The following MARCHF1 variants were observed in gnomAD, a reference collection of about 807,000 sequenced individuals.
The protein encoded by MARCHF1 is membrane associated ring-CH-type finger 1, also known as E3 ubiquitin-protein ligase MARCHF1.
A neutral mutation model predicts 54.2 loss-of-function variants in MARCHF1; 40 were observed. That is an observed-to-expected ratio of 0.74 (90% CI 0.57 to 0.96). The LOEUF is 0.96. MARCHF1 is among the 40% of genes least tolerant of loss of function. The probability of loss-of-function intolerance (pLI) is 0.00; values close to 1 mark genes in which losing one functional copy is unlikely to be tolerated. For synonymous variants in MARCHF1, 236 were observed against 236.3 expected (o/e 1.00, Z 0.01); for missense variants, 586 against 656.5 (o/e 0.89, Z 1.17).
Position 163,526,322 on chromosome 4 carries a change from A to AAAC in MARCHF1, c.*2423_*2425dup, listed in dbSNP as rs1738103759. ...TCTTGTTTAGGTTCGTACAGAATTT[A>AAAC]AACAATATTTTCCATGTTAATTAAA... On this transcript the variant is annotated 3_prime_UTR_variant, in exon 10 of 10. Coordinates refer to ENST00000514618, the MANE Select transcript of MARCHF1 (RefSeq NM_001394959.1). 6.6e-6 allele frequency: 1 copy of AAAC among 150,498 alleles called. No individual in the cohort carries two copies. The highest frequency in any genetic ancestry group is 1.5e-5 in the Non-Finnish European group (1 of 66,942). 9.3% of individuals were successfully genotyped at this position (150,498 alleles called of 1,614,324 possible).
intron 4 of MARCHF1, among the ~76,000 whole-genome samples, chr4:163,728,599 G>T (rs1002632978): frequency 1.3e-5 from 2 of 151,964 alleles, no homozygotes; most frequent in Non-Finnish European, 2.9e-5. Context: ...AATTTAACTT[G>T]TTCATTATTG....
At chr4:163,861,133 A>T (rs1322356821) in intron 3 of MARCHF1, among the ~76,000 whole-genome samples, 1 of 152,196 alleles carries the variant, frequency 6.6e-6, no homozygotes, top group Non-Finnish European at 1.5e-5. Context: ...AGTATCCACA[A>T]ATGGCTAGAA....
At chr4:164,101,170 G>C (rs190662514) in intron 2 of MARCHF1, among the ~76,000 whole-genome samples, 2 of 152,310 alleles carry the variant, frequency 1.3e-5, no homozygotes, top group African/African-American at 4.8e-5. Flanking sequence ...CTGCAAGGCA[G>C]CAGCGAGGCC....
chr4:164,207,940 C>CA (rs1731657241), intron 1 of MARCHF1, among the ~76,000 whole-genome samples: 1 of 152,000 alleles, frequency 6.6e-6, no homozygotes, highest in Non-Finnish European at 1.5e-5. Context: ...ACCTATGTAA[C>CA]AAACCTGCAC....
intron 3 of MARCHF1, among the ~76,000 whole-genome samples, chr4:163,938,734 G>A (rs1751851543): frequency 6.6e-6 from 1 of 152,158 alleles, no homozygotes; most frequent in Non-Finnish European, 1.5e-5. Context: ...GAGGCCTCAG[G>A]AAACTTACAA....
chr4:163,645,025 C>T (rs1365910443), intron 5 of MARCHF1, among the ~76,000 whole-genome samples: 1 of 152,148 alleles, frequency 6.6e-6, no homozygotes, highest in Non-Finnish European at 1.5e-5. Context: ...ACAACCAAGG[C>T]AGTACTGCCT....
In MARCHF1 at chr4:163,585,753, C is replaced by T. The variant is rs774282572; in HGVS notation, c.1187G>A (p.Arg396Gln). 88 of 1,594,916 alleles carry T rather than the reference C, an allele frequency of 5.5e-5. No homozygotes were observed. Among genetic ancestry groups the T allele is most frequent in the Middle Eastern group, 5.0e-4 (3 of 5,982 alleles). The change falls in exon 8 of 10, where the codon CGG becomes CAG. Residue 396 changes from arginine to glutamine, a missense_variant. Coordinates refer to ENST00000514618, the MANE Select transcript of MARCHF1 (RefSeq NM_001394959.1). ...FIMETKLKPL[R>Q]KWEKLQMTTS... ...CAATTCCTATGGATACTGTACCTTCCGGAGGGGTTTGAGCTTGGTCTCCAT... is the reference window on the plus strand; with the variant it reads ...CAATTCCTATGGATACTGTACCTTCTGGAGGGGTTTGAGCTTGGTCTCCAT...
At chr4:163,684,026 G>A (rs1226188721) in intron 5 of MARCHF1, among the ~76,000 whole-genome samples, 2 of 152,152 alleles carry the variant, frequency 1.3e-5, no homozygotes, top group Non-Finnish European at 2.9e-5. Context: ...CCAGCATGGG[G>A]GCTTCAGGGC....
chr4:163,590,832 G>A (rs1740566100), intron 7 of MARCHF1, among the ~76,000 whole-genome samples: 1 of 151,958 alleles, frequency 6.6e-6, no homozygotes. Flanking sequence ...ACTCACAAAT[G>A]TTATCATGTT....
intron 1 of MARCHF1, chr4:164,197,500 C>T (rs2288675): frequency 0.47 from 757,840 of 1,613,286 alleles, 186,944 homozygotes; most frequent in Non-Finnish European, 0.51. Context: ...CCCTGAGACT[C>T]TTAGTTCAAG....
chr4:163,994,787 AC>A (rs1579447169), intron 2 of MARCHF1, among the ~76,000 whole-genome samples: 2 of 30,934 alleles, frequency 6.5e-5, no homozygotes, highest in Non-Finnish European at 9.2e-5. Flanking sequence ...ACACACACAC[AC>A]ACACACAAAA....
intron 1 of MARCHF1, among the ~76,000 whole-genome samples, chr4:164,280,512 A>C (rs892000319): frequency 2.0e-5 from 3 of 152,094 alleles, no homozygotes; most frequent in African/African-American, 7.2e-5. Flanking sequence ...AACCATTTGG[A>C]AAAAGGATAA....
intron 4 of MARCHF1, among the ~76,000 whole-genome samples, chr4:163,852,419 G>A (rs781691709): frequency 4.0e-4 from 61 of 152,236 alleles, no homozygotes; most frequent in Non-Finnish European, 6.9e-4. Context: ...ACTTAAAAAT[G>A]CTTGGTTATA....
chr4:163,976,849 T>A (rs956058711), intron 3 of MARCHF1, among the ~76,000 whole-genome samples: 9 of 152,178 alleles, frequency 5.9e-5, no homozygotes, highest in African/African-American at 2.2e-4. Flanking sequence ...TTCTATGCAG[T>A]GCATTTCAGT....
intron 1 of MARCHF1, among the ~76,000 whole-genome samples, chr4:164,267,026 A>G (rs1733627535): frequency 1.3e-5 from 2 of 152,338 alleles, no homozygotes; most frequent in African/African-American, 2.4e-5. Flanking sequence ...CAACATTCAC[A>G]GAGTTTAGAA....
intron 1 of MARCHF1, among the ~76,000 whole-genome samples, chr4:164,263,031 A>G (rs572394653): frequency 1.8e-4 from 28 of 152,280 alleles, no homozygotes; most frequent in African/African-American, 6.5e-4. Flanking sequence ...AGAGAGGAAG[A>G]AGAGTGGATG....
chr4:163,993,700 T>G (rs1753009618), intron 2 of MARCHF1, among the ~76,000 whole-genome samples: 1 of 152,172 alleles, frequency 6.6e-6, no homozygotes, highest in South Asian at 2.1e-4. Context: ...CATCACAAAC[T>G]GAGTCTTTCA....
intron 1 of MARCHF1, among the ~76,000 whole-genome samples, chr4:164,216,617 G>C (rs1196892696): frequency 6.6e-6 from 1 of 152,130 alleles, no homozygotes; most frequent in East Asian, 1.9e-4. Flanking sequence ...TCTTGGATTA[G>C]ATTAATTACT....
In MARCHF1 at chr4:163,525,398, C is replaced by G. The variant is rs1420410298; in HGVS notation, c.*3350G>C. The G allele has an allele frequency of 6.6e-6, 1 of 152,138 alleles. No individual in the cohort carries two copies. Among genetic ancestry groups the G allele is most frequent in the Non-Finnish European group, 1.5e-5 (1 of 68,018 alleles). 9.4% of individuals were successfully genotyped at this position (152,138 alleles called of 1,614,324 possible). A position where few individuals can be genotyped will look rare whatever the true frequency, so the allele number is the denominator to read the frequency against. ...TTTAATGCTGGGGTGTTTTGAAAGA[C>G]TCCTTCAGTCTACACCTATCTTCCT... On this transcript the variant is annotated 3_prime_UTR_variant, in exon 10 of 10. Transcript: ENST00000514618.
Sources: allele counts gnomAD v4.1 joint callset (sites outside exome capture counted in the v4.1 genomes callset), GRCh38; gene constraint gnomAD v4.1.1; transcripts MANE v1.5; gene names NCBI Gene and HGNC (gene_info 2026-07-23, HGNC 2026-07-21).